HMCN1: variants seen among roughly 807,000 people sequenced by gnomAD.
HMCN1 encodes hemicentin 1.
In HMCN1, 321 loss-of-function variants were observed where a neutral mutation model predicts 625.9. The observed-to-expected ratio is 0.51, with a 90% confidence interval of 0.47 to 0.56. The LOEUF (loss-of-function observed/expected upper bound fraction) is 0.56, where lower values mean the gene tolerates loss of function less well. Ranked by LOEUF, HMCN1 falls within the 20% of genes least tolerant of loss-of-function variation. HMCN1 has a pLI of 0.00. For synonymous variants in HMCN1, 2,425 were observed against 2,417.6 expected, an observed-to-expected ratio of 1.00 and a Z score of -0.09; for missense variants, 6,588 against 6,887.3, an observed-to-expected ratio of 0.96 and a Z score of 1.54.
intron 11 of HMCN1, among the ~76,000 whole-genome samples, chr1:185,934,955 C>A (rs1486590628): frequency 6.6e-6 from 1 of 152,088 alleles, no homozygotes; most frequent in Non-Finnish European, 1.5e-5. Flanking sequence ...GAATGTGTGT[C>A]TTTTGTTAGT....
chr1:185,969,597 G>T (rs1039057336), intron 14 of HMCN1, among the ~76,000 whole-genome samples: 4 of 152,168 alleles, frequency 2.6e-5, no homozygotes, highest in African/African-American at 9.6e-5. Flanking sequence ...ACCTTTTCAG[G>T]CTTGACATCT....
intron 15 of HMCN1, among the ~76,000 whole-genome samples, chr1:185,973,271 T>C (rs977675558): frequency 2.6e-5 from 4 of 152,160 alleles, no homozygotes; most frequent in African/African-American, 9.6e-5. Flanking sequence ...ACAAATTAAG[T>C]GGTCATTTTG....
intron 6 of HMCN1, among the ~76,000 whole-genome samples, chr1:185,916,062 GTGCATA>G (rs1308866250): frequency 6.9e-5 from 10 of 143,948 alleles, no homozygotes; most frequent in African/African-American, 3.0e-4. Context: ...ATATGCGTGT[GTGCATA>G]TGTGTGTGTG....
intron 93 of HMCN1, among the ~76,000 whole-genome samples, chr1:186,149,141 G>A (rs1049855787): frequency 3.9e-5 from 6 of 152,114 alleles, no homozygotes; most frequent in African/African-American, 9.7e-5. Flanking sequence ...CACCAACTGC[G>A]TAAGTCCTTA....
intron 36 of HMCN1, among the ~76,000 whole-genome samples, chr1:186,032,956 A>G (rs1422488093): frequency 6.6e-6 from 1 of 152,136 alleles, no homozygotes. Flanking sequence ...AAAAAGACAC[A>G]TGCACATGCA....
chr1:185,795,751 C>A (rs1658328334), intron 1 of HMCN1, among the ~76,000 whole-genome samples: 1 of 152,144 alleles, frequency 6.6e-6, no homozygotes, highest in South Asian at 2.1e-4. Context: ...AATTGCAACA[C>A]CGATTTCTTC....
chr1:185,834,293 G>C (rs904014993), intron 1 of HMCN1, among the ~76,000 whole-genome samples: 1 of 152,192 alleles, frequency 6.6e-6, no homozygotes, highest in Non-Finnish European at 1.5e-5. Flanking sequence ...GCACTACTGA[G>C]CTGGGTCCTC....
intron 67 of HMCN1, 59 bp from the exon 68 acceptor site, chr1:186,095,184 T>G: frequency 6.6e-7 from 1 of 1,511,668 alleles, no homozygotes; most frequent in Non-Finnish European, 9.2e-7. Context: ...TGTTTTAATT[T>G]AAATTGATCT....
chr1:186,105,205 A>G (rs1049845055), intron 69 of HMCN1, among the ~76,000 whole-genome samples: 4 of 152,320 alleles, frequency 2.6e-5, no homozygotes, highest in Admixed American at 6.5e-5. Flanking sequence ...ATGACTGTAT[A>G]CATAAGATAC....
At position 186,048,787 on chromosome 1, in the gene HMCN1, A is replaced by G. The variant is rs556796483; in HGVS notation, c.6525A>G (p.Glu2175=). The part of the protein sequence containing the change: ...QVQDTGRYTC[E]ATNVAGKTEK... The stretch of plus-strand genomic sequence containing the variant: ...AAGACACTGGTCGTTACACTTGTGA[A>G]GCAACAAATGTTGCTGGAAAAACTG... Residue 2175 remains glutamate, a synonymous_variant, in exon 42 of 107, where the codon GAA becomes GAG. Transcript: ENST00000271588. 5 of 1,612,136 alleles carry G rather than the reference A, an allele frequency of 3.1e-6. No homozygotes were observed. In the East Asian group the frequency reaches 8.9e-5, roughly 29 times the overall value.
At chr1:186,121,403 T>C (rs1307667451) in intron 80 of HMCN1, among the ~76,000 whole-genome samples, 3 of 151,722 alleles carry the variant, frequency 2.0e-5, no homozygotes, top group African/African-American at 7.3e-5. Flanking sequence ...TGTCCAAGAG[T>C]GGAGATGGGA....
At chr1:185,842,800 A>C (rs189675663) in intron 1 of HMCN1, among the ~76,000 whole-genome samples, 2 of 152,198 alleles carry the variant, frequency 1.3e-5, no homozygotes, top group Admixed American at 6.6e-5. Flanking sequence ...GTGTGCATCA[A>C]ATTAAAATTC....
intron 86 of HMCN1, 85 bp downstream of exon 86, chr1:186,132,494 C>T: frequency 2.7e-6 from 3 of 1,092,998 alleles, no homozygotes; most frequent in Admixed American, 2.0e-5. Context: ...AACTCTATAG[C>T]AAGTTCATTA....
chr1:186,015,944 A>G lies in HMCN1; in HGVS notation c.4910-14A>G, dbSNP rs767012387. ...ACAAATAATTGCCTGAAATATTGCT[A>G]TGTTTCTCCCTAGTTCCTCCAATGA... On this transcript the variant is annotated splice_polypyrimidine_tract_variant and intron_variant, in intron 31 of 106. Transcript: ENST00000271588. 8.5e-5 allele frequency: 136 copies of G among 1,606,772 alleles called. No homozygotes were observed. In the South Asian group the frequency reaches 9.5e-4, roughly 11 times the overall value.
intron 1 of HMCN1, among the ~76,000 whole-genome samples, chr1:185,842,217 T>C (rs116786887): frequency 0.017 from 2,660 of 152,284 alleles, 77 homozygotes; most frequent in African/African-American, 0.056. Flanking sequence ...TTTATATTAC[T>C]AGTGGCAACT....
rs187360229 is a variant in HMCN1 at position 185,813,858 on chromosome 1, C to T, written c.269-32168C>T. ...AACGTATGCTAACAAAATACACACA[C>T]CAGAAACTGGAACAGAAGTAACTGA... On this transcript the variant is annotated intron_variant, in intron 1 of 106. Coordinates refer to ENST00000271588, the MANE Select transcript of HMCN1 (RefSeq NM_031935.3). Among the ~76,000 whole-genome samples the T allele has an allele frequency of 3.2e-3, 481 of 152,112 alleles. 4 individuals are homozygous for T. Among genetic ancestry groups the T allele is most frequent in the African/African-American group, 0.011 (470 of 41,508 alleles).
intron 1 of HMCN1, among the ~76,000 whole-genome samples, chr1:185,763,112 T>C (rs1480730876): frequency 3.3e-5 from 5 of 152,028 alleles, no homozygotes; most frequent in Non-Finnish European, 7.4e-5. Context: ...CCCAGGACGC[T>C]GGTAAATTGA....
chr1:186,184,642 A>G (rs890327617), intron 105 of HMCN1, among the ~76,000 whole-genome samples: 3 of 149,406 alleles, frequency 2.0e-5, no homozygotes, highest in African/African-American at 7.4e-5. Flanking sequence ...AATGCAATGC[A>G]TAATGTTTAT....
rs559182565 is a variant in HMCN1 at position 185,784,154 on chromosome 1, G to A, written c.268+49107G>A. ...TGTGGGCGTGGGACCCTCCAAGCCAGGCACAGGATGTAATCTCCTGGTGTG... is the reference window on the plus strand; with the variant it reads ...TGTGGGCGTGGGACCCTCCAAGCCAAGCACAGGATGTAATCTCCTGGTGTG... On this transcript the variant is annotated intron_variant, in intron 1 of 106. Transcript: ENST00000271588. 5.3e-5 allele frequency among the ~76,000 whole-genome samples: 8 copies of A among 152,328 alleles called. 1 individual carries two copies. The South Asian group carries it at 1.7e-3, about 32-fold the overall frequency.
Sources: allele counts gnomAD v4.1 joint callset (sites outside exome capture counted in the v4.1 genomes callset), GRCh38; gene constraint gnomAD v4.1.1; transcripts MANE v1.5; gene names NCBI Gene and HGNC (gene_info 2026-07-23, HGNC 2026-07-21).